TRAPPC10: variants seen among roughly 807,000 people sequenced by gnomAD.
The protein encoded by TRAPPC10 is trafficking protein particle complex subunit 10.
Under a neutral mutation model 125.5 loss-of-function variants are expected in TRAPPC10, and 23 were observed. The ratio of observed to expected loss-of-function variants is 0.18; its 90% confidence interval spans 0.13 to 0.26. The LOEUF (loss-of-function observed/expected upper bound fraction) is 0.26, where lower values mean the gene tolerates loss of function less well. TRAPPC10 is among the 10% of genes least tolerant of loss of function. The probability of loss-of-function intolerance (pLI) is 1.00; values close to 1 mark genes in which losing one functional copy is unlikely to be tolerated. For missense variants in TRAPPC10, 1,123 were observed against 1,308.4 expected (o/e 0.86, Z 2.19); for synonymous variants, 509 against 518.0 (o/e 0.98, Z 0.24).
At chr21:44,072,935 A>G (rs2036990716) in intron 7 of TRAPPC10, among the ~76,000 whole-genome samples, 2 of 152,176 alleles carry the variant, frequency 1.3e-5, no homozygotes, top group South Asian at 4.1e-4. Context: ...AGCCCGCTCC[A>G]GGCCTGCTGT....
At chr21:44,013,634 T>G (rs1253116427) in intron 1 of TRAPPC10, among the ~76,000 whole-genome samples, 1 of 152,236 alleles carries the variant, frequency 6.6e-6, no homozygotes, top group Non-Finnish European at 1.5e-5. Context: ...AAACTGTATA[T>G]TGAAGGTTGA....
chr21:44,032,735 T>C (rs1327555096), intron 2 of TRAPPC10, among the ~76,000 whole-genome samples: 3 of 152,204 alleles, frequency 2.0e-5, no homozygotes, highest in Non-Finnish European at 4.4e-5. Context: ...ACAATTATTT[T>C]GAGTTAAAGA....
chr21:44,084,041 G>T, intron 14 of TRAPPC10, 81 bp from the exon 15 acceptor site: 1 of 1,547,136 alleles, frequency 6.5e-7, no homozygotes, highest in Non-Finnish European at 8.8e-7. Context: ...AGTTCAGAGA[G>T]ACCGCTGCAC....
intron 17 of TRAPPC10, chr21:44,088,229 C>G: frequency 2.4e-6 from 1 of 417,478 alleles, no homozygotes; most frequent in African/African-American, 2.0e-5. Flanking sequence ...TGGGTCATGT[C>G]CATTAGACCG....
chr21:44,029,261 A>C (rs1179319778), intron 1 of TRAPPC10, among the ~76,000 whole-genome samples: 1 of 151,930 alleles, frequency 6.6e-6, no homozygotes, highest in Non-Finnish European at 1.5e-5. Context: ...CACCCAGCTA[A>C]TTTTTTGTAT....
intron 2 of TRAPPC10, among the ~76,000 whole-genome samples, chr21:44,033,564 T>G (rs2033756117): frequency 6.6e-6 from 1 of 152,146 alleles, no homozygotes; most frequent in Non-Finnish European, 1.5e-5. Context: ...AAAAATTAAA[T>G]GGAGAAACTA....
At chr21:44,067,852 T>G (rs3788100) in intron 7 of TRAPPC10, among the ~76,000 whole-genome samples, 11,822 of 152,006 alleles carry the variant, frequency 0.078, 582 homozygotes, top group Non-Finnish European at 0.11. Context: ...CTGGGCACAG[T>G]GGCTCAAGCC....
chr21:44,095,262 C>A (rs1406010889), intron 20 of TRAPPC10, among the ~76,000 whole-genome samples: 1 of 144,924 alleles, frequency 6.9e-6, no homozygotes, highest in Non-Finnish European at 1.5e-5. Flanking sequence ...TATTTATTTT[C>A]GAGACGGAGT....
chr21:44,054,601 A>G (rs1342038094), intron 4 of TRAPPC10, among the ~76,000 whole-genome samples: 2 of 152,236 alleles, frequency 1.3e-5, no homozygotes, highest in Admixed American at 1.3e-4. Flanking sequence ...TTTCCAGCCT[A>G]TCAGATAAAT....
At chr21:44,079,816 C>T in intron 12 of TRAPPC10, 112 bp downstream of exon 12, 1 of 1,217,312 alleles carries the variant, frequency 8.2e-7, no homozygotes, top group South Asian at 1.4e-5. Flanking sequence ...AAAGTCCTAA[C>T]TTATACATAT....
At position 44,083,168 on chromosome 21, in the gene TRAPPC10, C is replaced by T. The variant is rs1196279906; in HGVS notation, c.2104C>T (p.Leu702Phe). ...GATTATCTGCAGAAACGTCCACATG[C>T]TCCTGAGAAGGCAGGAGAGCAGCTC... ...TGIICRNVHM[L>F]LRRQESSSSL... Residue 702 changes from leucine to phenylalanine, a missense_variant, in exon 14 of 23, where the codon CTC (leucine) becomes TTC (phenylalanine). Leu to Phe is a conservative substitution (Grantham distance 22). Transcript: ENST00000291574. 6 of 1,614,264 alleles carry T rather than the reference C, an allele frequency of 3.7e-6. No homozygotes were observed. The highest frequency in any genetic ancestry group is 5.1e-6 in the Non-Finnish European group (6 of 1,180,050).
intron 1 of TRAPPC10, among the ~76,000 whole-genome samples, chr21:44,022,530 T>A (rs1278581077): frequency 6.8e-6 from 1 of 147,336 alleles, no homozygotes; most frequent in Non-Finnish European, 1.5e-5. Context: ...GTCAGGCTTA[T>A]CTCGAACTCC....
chr21:44,055,979 A>G (rs968063077), intron 5 of TRAPPC10, 86 bp downstream of exon 5: 84 of 1,227,218 alleles, frequency 6.8e-5, no homozygotes, highest in Non-Finnish European at 8.9e-5. Context: ...TTTCTAAGTA[A>G]GGCACCTCTC....
chr21:44,069,767 A>C (rs2036720158), intron 7 of TRAPPC10, among the ~76,000 whole-genome samples: 2 of 152,188 alleles, frequency 1.3e-5, no homozygotes, highest in Admixed American at 1.3e-4. Flanking sequence ...ATCTTGTCCA[A>C]GGGATGACAA....
chr21:44,084,165 C>T lies in TRAPPC10; in HGVS notation c.2282C>T (p.Ser761Leu), dbSNP rs1313702330. ...TATACACTCAGGCAGCTGTGCGCCT[C>T]GGTGGGCTCCGTGTGGTTCGTCCTC... The part of the protein sequence containing the change: ...GTYTLRQLCA[S>L]VGSVWFVLPH... Residue 761 changes from serine (S) to leucine (L), a missense_variant, in exon 15 of 23, where the codon TCG becomes TTG. Coordinates refer to ENST00000291574, the MANE Select transcript of TRAPPC10 (RefSeq NM_003274.5). 6 of 1,614,114 alleles carry T rather than the reference C, an allele frequency of 3.7e-6. No homozygotes were observed. Among genetic ancestry groups the T allele is most frequent in the Middle Eastern group, 1.6e-4 (1 of 6,084 alleles).
At chr21:44,071,013 T>G (rs141240244) in intron 7 of TRAPPC10, among the ~76,000 whole-genome samples, 1,661 of 152,260 alleles carry the variant, frequency 0.011, 22 homozygotes, top group Non-Finnish European at 0.016. Context: ...ATAAATAAAC[T>G]GTGGCCAACT....
chr21:44,077,724 CA>C lies in TRAPPC10; in HGVS notation c.1411del (p.Ser471AlafsTer20). 1 of 1,609,950 alleles carries C rather than the reference CA, an allele frequency of 6.2e-7. No homozygotes were observed. The highest frequency in any genetic ancestry group is 8.5e-7 in the Non-Finnish European group (1 of 1,177,602). On this transcript the variant is annotated frameshift_variant, in exon 11 of 23. Coordinates refer to ENST00000291574, the MANE Select transcript of TRAPPC10 (RefSeq NM_003274.5). LOFTEE classifies it high-confidence loss of function. ...TCCCATGCCACCATTGAAATGTATA[CA>C]AGCATTGGGAGGATTCGATCTGCTA... is the stretch of plus-strand genomic sequence containing the variant. ...DLSHATIEMY[T>X]SIGRIRSAKF...
At chr21:44,077,209 T>A (rs2037353415) in intron 10 of TRAPPC10, among the ~76,000 whole-genome samples, 1 of 152,244 alleles carries the variant, frequency 6.6e-6, no homozygotes, top group Admixed American at 6.5e-5. Context: ...TCATAATTTA[T>A]ACACAGGTTA....
At chr21:44,035,261 C>A (rs543955688) in intron 2 of TRAPPC10, among the ~76,000 whole-genome samples, 2 of 152,188 alleles carry the variant, frequency 1.3e-5, no homozygotes, top group African/African-American at 4.8e-5. Context: ...ATGCCCTCTG[C>A]GGGTTTTGAC....
Sources: gnomAD v4.1 joint callset for allele counts (sites outside exome capture counted in the v4.1 genomes callset) on GRCh38, gnomAD v4.1.1 for gene constraint, MANE v1.5 for transcripts, NCBI Gene and HGNC (gene_info 2026-07-23, HGNC 2026-07-21) for gene names.